Variants in TBC1D32 observed in about 807,000 individuals in gnomAD.
The protein encoded by TBC1D32 is protein broad-minded.
A neutral mutation model predicts 170.3 loss-of-function variants in TBC1D32; 151 were observed. That is an observed-to-expected ratio of 0.89 (90% CI 0.78 to 1.01). TBC1D32 has a LOEUF of 1.01. Ranked by LOEUF, TBC1D32 falls within the 50% of genes least tolerant of loss-of-function variation. The pLI, the probability that TBC1D32 is intolerant of heterozygous loss-of-function variation, is 0.00. For missense variants in TBC1D32, 1,464 were observed against 1,457.1 expected, an observed-to-expected ratio of 1.00 and a Z score of -0.08; for synonymous variants, 498 against 488.0, an observed-to-expected ratio of 1.02 and a Z score of -0.27.
intron 12 of TBC1D32, among the ~76,000 whole-genome samples, chr6:121,285,655 A>G (rs1462914019): frequency 6.6e-6 from 1 of 152,140 alleles, no homozygotes; most frequent in Non-Finnish European, 1.5e-5. Flanking sequence ...TCTCCCAGCA[A>G]GCAGCTGGAC....
In TBC1D32 at chr6:121,184,807, T is replaced by TA. The variant is rs148913692; in HGVS notation, c.2570+20267dup. ...TCTTATTTTGTGATCCTCAATTTGA[T>TA]AAACATAATTTTGAGCTCCCACCAT... On this transcript the variant is annotated intron_variant, in intron 22 of 31. Coordinates refer to ENST00000398212, the MANE Select transcript of TBC1D32 (RefSeq NM_152730.6). Among the ~76,000 whole-genome samples, 54 of 152,044 alleles carry TA rather than the reference T, an allele frequency of 3.6e-4. 2 individuals carry two copies. In the East Asian group the frequency reaches 0.01, roughly 29 times the overall value.
chr6:121,286,256 T>A (rs1803809571), intron 12 of TBC1D32, among the ~76,000 whole-genome samples: 2 of 152,032 alleles, frequency 1.3e-5, no homozygotes, highest in East Asian at 3.9e-4. Context: ...ATTGGATAAA[T>A]GGCTAACTAG....
chr6:121,190,470 C>T (rs1198369485), intron 22 of TBC1D32, among the ~76,000 whole-genome samples: 2 of 150,824 alleles, frequency 1.3e-5, no homozygotes, highest in Non-Finnish European at 3.0e-5. Flanking sequence ...CATCTACCTA[C>T]TCTCCCTTCC....
chr6:121,212,052 C>T (rs150510327), intron 21 of TBC1D32, among the ~76,000 whole-genome samples: 184 of 151,528 alleles, frequency 1.2e-3, no homozygotes, highest in African/African-American at 3.9e-3. Context: ...TAGTTACTGA[C>T]CTAACAGAAA....
intron 24 of TBC1D32, among the ~76,000 whole-genome samples, chr6:121,151,557 G>A (rs184291851): frequency 1.2e-4 from 18 of 152,234 alleles, no homozygotes; most frequent in East Asian, 7.7e-4. Context: ...GAATATTCTC[G>A]TTAATTTTCT....
chr6:121,190,671 A>G (rs1318163180), intron 22 of TBC1D32, among the ~76,000 whole-genome samples: 9 of 152,120 alleles, frequency 5.9e-5, no homozygotes. Flanking sequence ...TTAAAACCCA[A>G]ACCAAATCTC....
At chr6:121,219,881 C>T (rs886160760) in intron 21 of TBC1D32, among the ~76,000 whole-genome samples, 4 of 152,090 alleles carry the variant, frequency 2.6e-5, no homozygotes, top group Admixed American at 6.5e-5. Flanking sequence ...ATAATTATTC[C>T]GTTATGAGGA....
intron 17 of TBC1D32, among the ~76,000 whole-genome samples, chr6:121,254,891 AT>A (rs1798764306): frequency 6.6e-6 from 1 of 152,112 alleles, no homozygotes; most frequent in African/African-American, 2.4e-5. Context: ...TGATATAAAT[AT>A]TGATTTAAAT....
intron 31 of TBC1D32, among the ~76,000 whole-genome samples, chr6:121,083,190 T>C (rs530173462): frequency 5.9e-5 from 9 of 152,150 alleles, no homozygotes; most frequent in African/African-American, 2.2e-4. Flanking sequence ...TATCAAACTC[T>C]ATATAAAATA....
intron 1 of TBC1D32, among the ~76,000 whole-genome samples, chr6:121,327,973 T>C (rs1372231675): frequency 2.0e-5 from 3 of 152,126 alleles, no homozygotes; most frequent in Admixed American, 6.5e-5. Context: ...ACACAAAAGC[T>C]CTCTGAAAAA....
intron 22 of TBC1D32, among the ~76,000 whole-genome samples, chr6:121,178,785 C>T (rs1788122243): frequency 6.6e-6 from 1 of 152,144 alleles, no homozygotes; most frequent in South Asian, 2.1e-4. Context: ...GGGCAACTTT[C>T]AATAGACAGC....
At chr6:121,198,144 TC>T (rs1338893580) in intron 22 of TBC1D32, among the ~76,000 whole-genome samples, 1 of 146,376 alleles carries the variant, frequency 6.8e-6, no homozygotes, top group Non-Finnish European at 1.5e-5. Flanking sequence ...CTTAATAAAC[TC>T]CCCTTTGTAG....
At chr6:121,113,856 C>A (rs922171326) in intron 27 of TBC1D32, among the ~76,000 whole-genome samples, 1 of 152,082 alleles carries the variant, frequency 6.6e-6, no homozygotes, top group African/African-American at 2.4e-5. Flanking sequence ...TGAAACCTTA[C>A]TAATAATTGT....
intron 1 of TBC1D32, among the ~76,000 whole-genome samples, chr6:121,331,561 TACA>T (rs1452275675): frequency 6.6e-6 from 1 of 152,160 alleles, no homozygotes; most frequent in African/African-American, 2.4e-5. Flanking sequence ...TCTTGCTAAT[TACA>T]GGTCAACATC....
chr6:121,248,948 T>C (rs989685499), intron 17 of TBC1D32, among the ~76,000 whole-genome samples: 2 of 151,950 alleles, frequency 1.3e-5, no homozygotes, highest in Admixed American at 6.6e-5. Context: ...TAAATCTATC[T>C]ATGAAGTCAG....
chr6:121,214,452 T>C (rs1374898200), intron 21 of TBC1D32, among the ~76,000 whole-genome samples: 2 of 152,128 alleles, frequency 1.3e-5, no homozygotes, highest in Admixed American at 6.5e-5. Context: ...GAGCATGGGG[T>C]CCAGCCACTG....
intron 17 of TBC1D32, among the ~76,000 whole-genome samples, chr6:121,254,957 T>C (rs1052397647): frequency 6.6e-6 from 1 of 151,986 alleles, no homozygotes; most frequent in African/African-American, 2.4e-5. Flanking sequence ...TTTAGAAAAA[T>C]AATATTTTAA....
rs1227837017 is a variant in TBC1D32, at chr6:121,238,953, G to T, written c.2364+117C>A. Reference sequence around the variant, plus strand: ...AATAGTTTGAAAATTAAAAAGAGGAGAAATAAATATATTAAAAAGTCTGCT... The same window carrying T: ...AATAGTTTGAAAATTAAAAAGAGGATAAATAAATATATTAAAAAGTCTGCT... On this transcript the variant is annotated intron_variant, in intron 20 of 31. Coordinates refer to ENST00000398212, the MANE Select transcript of TBC1D32 (RefSeq NM_152730.6). 6.0e-6 allele frequency: 3 copies of T among 498,376 alleles called. No homozygotes were observed. In the East Asian group the frequency reaches 8.9e-5, roughly 15 times the overall value. The allele number at this position is 498,376 out of a possible 1,614,324, so 30.9% of individuals were successfully genotyped here. A position where few individuals can be genotyped will look rare whatever the true frequency, so the allele number is the denominator to read the frequency against.
rs115003033 is a variant in TBC1D32 at position 121,254,984 on chromosome 6, T to C, written c.2018+344A>G. On this transcript the variant is annotated intron_variant, in intron 17 of 31. Coordinates refer to ENST00000398212, the MANE Select transcript of TBC1D32 (RefSeq NM_152730.6). Reference sequence around the variant, plus strand: ...ATATTTTAAATATAAATAGACTTCATTGGCATTTGAGAACATATTATTTCT... The same window carrying C: ...ATATTTTAAATATAAATAGACTTCACTGGCATTTGAGAACATATTATTTCT... 8.9e-3 allele frequency among the ~76,000 whole-genome samples: 1,349 copies of C among 152,222 alleles called. 25 individuals are homozygous for C. Among genetic ancestry groups the C allele is most frequent in the African/African-American group, 0.031 (1,275 of 41,564 alleles).
Sources: gnomAD v4.1 joint callset for allele counts (sites outside exome capture counted in the v4.1 genomes callset) on GRCh38, gnomAD v4.1.1 for gene constraint, MANE v1.5 for transcripts, NCBI Gene and HGNC (gene_info 2026-07-23, HGNC 2026-07-21) for gene names.